The following PTPN2 variants were observed in gnomAD, a reference collection of about 807,000 sequenced individuals.
PTPN2 encodes tyrosine-protein phosphatase non-receptor type 2.
Under a neutral mutation model 57.3 loss-of-function variants are expected in PTPN2, and 19 were observed. The ratio of observed to expected loss-of-function variants is 0.33; its 90% CI spans 0.23 to 0.49. The LOEUF is 0.49. Ranked by LOEUF, PTPN2 falls within the 20% of genes least tolerant of loss-of-function variation. The pLI, the probability that PTPN2 is intolerant of heterozygous loss-of-function variation, is 0.99. For synonymous variants in PTPN2, 153 were observed against 164.9 expected (o/e 0.93, Z 0.55); for missense variants, 358 against 501.1 (o/e 0.71, Z 2.73).
At chr18:12,870,344 T>C (rs1410740872) in intron 1 of PTPN2, among the ~76,000 whole-genome samples, 5 of 46,702 alleles carry the variant, frequency 1.1e-4, no homozygotes, top group Admixed American at 8.5e-4. Flanking sequence ...TATATATACA[T>C]ATATATGTGT....
intron 1 of PTPN2, chr18:12,883,543 C>G: frequency 6.6e-6 from 1 of 152,164 alleles, no homozygotes; most frequent in South Asian, 2.1e-4. Flanking sequence ...TGCGCGGGCG[C>G]CAGCTGGACC....
chr18:12,884,126 C>T lies in PTPN2; in HGVS notation c.16G>A (p.Glu6Lys), dbSNP rs778310630. MPTTI[E>K]REFEELDTQR... ...GTATCCAACTCTTCGAACTCCCGCTCGATGGTGGTGGGCATGGCTGCGGGA... is the reference window on the plus strand; with the variant it reads ...GTATCCAACTCTTCGAACTCCCGCTTGATGGTGGTGGGCATGGCTGCGGGA... Residue 6 changes from glutamate to lysine, a missense_variant, in exon 1 of 9, where the codon GAG becomes AAG. By Grantham distance (56) the Glu-to-Lys change is moderately conservative. This residue lies in a region of PTPN2 where 62 missense variants were observed against 47.9 expected (regional missense o/e 1.29). Transcript: ENST00000309660. 5 of 1,587,408 alleles carry T rather than the reference C, an allele frequency of 3.1e-6. No individual in the cohort carries two copies. In the Admixed American group the frequency reaches 7.0e-5, roughly 22 times the overall value.
rs13381820 is a variant in PTPN2, at chr18:12,792,599, T to C, written c.*1679A>G. ...CCCGGCCCAAACTGTTTTTTTTGTT[T>C]GTTTCTTTTGAGATGGAGTCTCGCT... On this transcript the variant is annotated 3_prime_UTR_variant, in exon 9 of 9. Coordinates refer to ENST00000309660, the MANE Select transcript of PTPN2 (RefSeq NM_002828.4). 1,628 of 152,202 alleles carry C rather than the reference T, an allele frequency of 0.011. 38 individuals carry two copies. Among genetic ancestry groups the C allele is most frequent in the African/African-American group, 0.038 (1,559 of 41,306 alleles). 9.4% of individuals were successfully genotyped at this position (152,202 alleles called of 1,614,324 possible).
Position 12,793,374 on chromosome 18 carries a change from A to G in PTPN2, c.*904T>C. 2 of 979,016 alleles carry G rather than the reference A, an allele frequency of 2.0e-6. No individual in the cohort carries two copies. Among genetic ancestry groups the G allele is most frequent in the Non-Finnish European group, 2.4e-6 (2 of 823,612 alleles). The allele number at this position is 979,016 out of a possible 1,614,324, so 60.6% of individuals were successfully genotyped here. On this transcript the variant is annotated 3_prime_UTR_variant, in exon 9 of 9. Transcript: ENST00000309660. ...ATGCTGCTTCTTACTTTTGCTTCCT[A>G]AATCATAATCTACCCCAACTACATT...
chr18:12,860,456 G>A (rs1380321625), intron 1 of PTPN2, among the ~76,000 whole-genome samples: 1 of 151,892 alleles, frequency 6.6e-6, no homozygotes, highest in Non-Finnish European at 1.5e-5. Context: ...AATTAGCCAG[G>A]CGCGATGGCA....
chr18:12,829,547 G>T (rs985215928), intron 4 of PTPN2, among the ~76,000 whole-genome samples: 1 of 145,902 alleles, frequency 6.9e-6, no homozygotes, highest in African/African-American at 2.5e-5. Context: ...CCAACCTAAA[G>T]ACATTGCTGC....
chr18:12,854,447 G>A lies in PTPN2; in HGVS notation c.160+4717C>T, dbSNP rs368863461. ...TATTAGTGACGTGGGAAATGAATGA[G>A]GGAAGAATCTGTTTCTGGCTTCAGA... On this transcript the variant is annotated intron_variant, in intron 2 of 8. Transcript: ENST00000309660. 9.2e-5 allele frequency among the ~76,000 whole-genome samples: 14 copies of A among 152,210 alleles called. No individual in the cohort carries two copies. In the East Asian group the frequency reaches 2.3e-3, roughly 25 times the overall value.
intron 1 of PTPN2, chr18:12,869,205 C>G (rs2044101144): frequency 6.6e-6 from 1 of 152,214 alleles, no homozygotes. Context: ...GAGACAAAGT[C>G]TTGCCTTGTC....
At chr18:12,845,793 C>T (rs2043186565) in intron 2 of PTPN2, among the ~76,000 whole-genome samples, 1 of 152,058 alleles carries the variant, frequency 6.6e-6, no homozygotes, top group South Asian at 2.1e-4. Context: ...ATTTTCTTCC[C>T]AAGTCATGAC....
chr18:12,826,322 G>A (rs1366166332), intron 4 of PTPN2, among the ~76,000 whole-genome samples: 1 of 152,148 alleles, frequency 6.6e-6, no homozygotes, highest in Non-Finnish European at 1.5e-5. Flanking sequence ...AGAATCGCTT[G>A]AACCCAGGAG....
At chr18:12,837,195 A>G (rs1211028698) in intron 2 of PTPN2, among the ~76,000 whole-genome samples, 4 of 152,184 alleles carry the variant, frequency 2.6e-5, no homozygotes, top group East Asian at 1.9e-4. Context: ...TACCTTCCTA[A>G]AAGTAAAAGG....
rs1425950133 is a variant in PTPN2 at position 12,884,063 on chromosome 18, C to T, written c.69+10G>A. Reference sequence around the variant, plus strand: ...GAGGTCGGCGACTGCCGCGTGGGTCCGCGACTCACCAAGTACAGCGGCTGC... The same window carrying T: ...GAGGTCGGCGACTGCCGCGTGGGTCTGCGACTCACCAAGTACAGCGGCTGC... On this transcript the variant is annotated intron_variant, in intron 1 of 8. Transcript: ENST00000309660. 1.9e-6 allele frequency: 3 copies of T among 1,568,220 alleles called. No individual in the cohort carries two copies. The highest frequency in any genetic ancestry group is 1.4e-5 in the African/African-American group (1 of 73,426).
intron 2 of PTPN2, chr18:12,841,016 G>A: frequency 1.5e-6 from 2 of 1,379,232 alleles, no homozygotes; most frequent in Middle Eastern, 3.8e-4. Flanking sequence ...AACCTATAGG[G>A]ATCTAAAGGT....
Position 12,870,454 on chromosome 18 carries a change from TATATATATAGAGAGAGAGAGAGAG to T in PTPN2, c.70-11224_70-11201del, listed in dbSNP as rs1598886934. On this transcript the variant is annotated intron_variant, in intron 1 of 8. Transcript: ENST00000309660. ...ATATATATATGTGTATATATATATA[TATATATATAGAGAGAGAGAGAGAG>T]AGAGAGAGAGAGAGAGAGAGAAAAG... 5.0e-4 allele frequency among the ~76,000 whole-genome samples: 22 copies of T among 44,322 alleles called. 3 individuals are homozygous for T. The East Asian group carries it at 0.033, about 67-fold the overall frequency. 29.1% of individuals were successfully genotyped at this position (44,322 alleles called of 152,430 possible). A position where few individuals can be genotyped will look rare whatever the true frequency, so the allele number is the denominator to read the frequency against.
At chr18:12,870,270 T>TAC (rs1415096390) in intron 1 of PTPN2, among the ~76,000 whole-genome samples, 9 of 94,306 alleles carry the variant, frequency 9.5e-5, no homozygotes, top group African/African-American at 5.9e-4. Flanking sequence ...TATATATATA[T>TAC]ATGTATATAT....
intron 3 of PTPN2, among the ~76,000 whole-genome samples, chr18:12,832,516 C>T (rs2042705867): frequency 6.6e-6 from 1 of 152,152 alleles, no homozygotes; most frequent in East Asian, 1.9e-4. Context: ...TGTAAAAATG[C>T]TAGAAGTCTA....
At chr18:12,796,178 C>G (rs889680875) in intron 8 of PTPN2, among the ~76,000 whole-genome samples, 7 of 152,074 alleles carry the variant, frequency 4.6e-5, no homozygotes, top group Non-Finnish European at 8.8e-5. Flanking sequence ...GGAACAGTTC[C>G]AGATTAAAGG....
intron 1 of PTPN2, among the ~76,000 whole-genome samples, chr18:12,866,282 C>T (rs573111858): frequency 2.6e-5 from 4 of 151,608 alleles, no homozygotes; most frequent in Non-Finnish European, 1.5e-5. Context: ...ACTAAAAATA[C>T]AAAAAATTAG....
At chr18:12,829,504 C>CAAA (rs541731696) in intron 4 of PTPN2, among the ~76,000 whole-genome samples, 3 of 89,104 alleles carry the variant, frequency 3.4e-5, no homozygotes, top group African/African-American at 8.7e-5. Flanking sequence ...ACTCTGTCTC[C>CAAA]AAAAAAAAAA....
Sources: allele counts gnomAD v4.1 joint callset (sites outside exome capture counted in the v4.1 genomes callset), GRCh38; gene constraint gnomAD v4.1.1; regional missense constraint gnomAD v4.1.1; transcripts MANE v1.5; gene names NCBI Gene and HGNC (gene_info 2026-07-23, HGNC 2026-07-21).